SH3KBP1: variants seen among roughly 807,000 people sequenced by gnomAD.
SH3KBP1 encodes the protein SH3 domain containing kinase binding protein 1, also known as SH3 domain-containing kinase-binding protein 1.
In SH3KBP1, 8 loss-of-function variants were observed where a neutral mutation model predicts 50.1. The ratio of observed to expected loss-of-function variants is 0.16; its 90% confidence interval spans 0.09 to 0.29. The LOEUF (loss-of-function observed/expected upper bound fraction) is 0.29, where lower values mean the gene tolerates loss of function less well. SH3KBP1 is among the 10% of genes least tolerant of loss of function. The pLI, the probability that SH3KBP1 is intolerant of heterozygous loss-of-function variation, is 1.00. For synonymous variants in SH3KBP1, 227 were observed against 218.6 expected (o/e 1.04, Z -0.34); for missense variants, 377 against 535.2 (o/e 0.70, Z 2.92).
At chrX:19,750,739 A>G (rs1345595904) in intron 2 of SH3KBP1, among the ~76,000 whole-genome samples, 2 of 111,743 alleles carry the variant, frequency 1.8e-5, no homozygotes, top group Non-Finnish European at 1.9e-5. Flanking sequence ...GATGCTAGCA[A>G]TGATACAACT....
chrX:19,741,288 G>A (rs756554592), intron 3 of SH3KBP1, among the ~76,000 whole-genome samples: 4 of 111,871 alleles, frequency 3.6e-5, no homozygotes, highest in South Asian at 3.7e-4. Flanking sequence ...TGAGACAGAC[G>A]ATCTCACCTC....
chrX:19,873,290 G>GTATATA lies in SH3KBP1; in HGVS notation c.4+14011_4+14016dup, dbSNP rs60336593. Among the ~76,000 whole-genome samples the GTATATA allele has an allele frequency of 3.4e-3, 239 of 71,298 alleles. 1 individual carries two copies. The highest frequency in any genetic ancestry group is 6.4e-3 in the South Asian group (11 of 1,728). The allele number at this position is 71,298 out of a possible 115,157, so 61.9% of individuals were successfully genotyped here. ...AACAAGGACATATATATATATATAT[G>GTATATA]TATATATATATATATATATATACAT... On this transcript the variant is annotated intron_variant, in intron 1 of 17. Coordinates refer to ENST00000397821, the MANE Select transcript of SH3KBP1 (RefSeq NM_031892.3).
chrX:19,862,157 T>G (rs1297158639), intron 1 of SH3KBP1, among the ~76,000 whole-genome samples: 1 of 112,030 alleles, frequency 8.9e-6, no homozygotes, highest in Non-Finnish European at 1.9e-5. Context: ...GAAGCTCCGC[T>G]CTTGTTTGCA....
At chrX:19,817,754 C>T (rs1386717961) in intron 2 of SH3KBP1, among the ~76,000 whole-genome samples, 1 of 111,453 alleles carries the variant, frequency 9.0e-6, no homozygotes, top group African/African-American at 3.3e-5. Flanking sequence ...CGTGCCTCAG[C>T]CTCCTGAGTT....
chrX:19,615,626 A>G (rs1057050391), intron 8 of SH3KBP1, among the ~76,000 whole-genome samples: 1 of 112,060 alleles, frequency 8.9e-6, no homozygotes, highest in African/African-American at 3.2e-5. Context: ...CTGCTTGTTA[A>G]CACCTCCCCA....
chrX:19,771,076 C>T (rs975415366), intron 2 of SH3KBP1, among the ~76,000 whole-genome samples: 2 of 111,675 alleles, frequency 1.8e-5, no homozygotes, highest in African/African-American at 6.5e-5. Flanking sequence ...CCTTCTCCTA[C>T]ATTACTGTGA....
intron 3 of SH3KBP1, among the ~76,000 whole-genome samples, chrX:19,719,064 G>A (rs974056349): frequency 9.0e-6 from 1 of 111,595 alleles, no homozygotes; most frequent in African/African-American, 3.3e-5. Context: ...AGCCGTGGGG[G>A]CCCCTTCTCT....
At chrX:19,659,758 A>T (rs959460914) in intron 6 of SH3KBP1, among the ~76,000 whole-genome samples, 2 of 112,386 alleles carry the variant, frequency 1.8e-5, no homozygotes, top group African/African-American at 6.5e-5. Context: ...AATATCCTAG[A>T]TGTCAACTGT....
chrX:19,550,233 C>T (rs2065201132), intron 13 of SH3KBP1, 150 bp from the exon 14 acceptor site: 1 of 450,505 alleles, frequency 2.2e-6, no homozygotes, highest in Non-Finnish European at 3.8e-6. Context: ...TTTGGTCATT[C>T]AATAAACAGG....
rs377498639 is a variant in SH3KBP1 at position 19,825,172 on chromosome X, A to G, written c.162+10953T>C. ...CAACGTGTGCTTACAAATTAATAAT[A>G]ACGAAATATTTTCCCTAATTGCCTT... On this transcript the variant is annotated intron_variant, in intron 2 of 17. Transcript: ENST00000397821. 1.3e-4 allele frequency among the ~76,000 whole-genome samples: 15 copies of G among 112,149 alleles called. No individual in the cohort carries two copies. The East Asian group carries it at 3.6e-3, about 27-fold the overall frequency.
Position 19,588,996 on chromosome X carries a change from T to G in SH3KBP1, c.1139-194A>C, listed in dbSNP as rs181022037. Among the ~76,000 whole-genome samples, 890 of 111,411 alleles carry G rather than the reference T, an allele frequency of 8.0e-3. 5 individuals carry two copies. The highest frequency in any genetic ancestry group is 0.011 in the Non-Finnish European group (589 of 52,936). On this transcript the variant is annotated intron_variant, in intron 11 of 17. Coordinates refer to ENST00000397821, the MANE Select transcript of SH3KBP1 (RefSeq NM_031892.3). Reference sequence around the variant, plus strand: ...CCACAGAGCTCACTGTTCCCTCCCTTGCACACCTTCACTCATGCTGGTCCT... The same window carrying G: ...CCACAGAGCTCACTGTTCCCTCCCTGGCACACCTTCACTCATGCTGGTCCT...
In SH3KBP1 at chrX:19,603,374, C is replaced by T. The variant is rs199771691; in HGVS notation, c.1005+4564G>A. Among the ~76,000 whole-genome samples the T allele has an allele frequency of 5.3e-5, 6 of 112,482 alleles. No homozygotes were observed. The East Asian group carries it at 8.4e-4, about 16-fold the overall frequency. Reference sequence around the variant, plus strand: ...AATGACCGGGGCAGGCAGACCTCTGCGTTCCAGACTGGCTGACATCTGAGT... The same window carrying T: ...AATGACCGGGGCAGGCAGACCTCTGTGTTCCAGACTGGCTGACATCTGAGT... On this transcript the variant is annotated intron_variant, in intron 9 of 17. Transcript: ENST00000397821.
chrX:19,741,337 T>C (rs1234928229), intron 3 of SH3KBP1, among the ~76,000 whole-genome samples: 2 of 112,098 alleles, frequency 1.8e-5, no homozygotes, highest in African/African-American at 3.2e-5. Context: ...TAACATCTTT[T>C]AAACCGTCAG....
At chrX:19,705,176 A>G (rs1459714131) in intron 4 of SH3KBP1, among the ~76,000 whole-genome samples, 2 of 112,180 alleles carry the variant, frequency 1.8e-5, no homozygotes, top group Non-Finnish European at 3.8e-5. Flanking sequence ...TGTGGTTAAG[A>G]CTTTTTTCTC....
At chrX:19,836,022 A>G in intron 2 of SH3KBP1, 103 bp downstream of exon 2, 1 of 751,648 alleles carries the variant, frequency 1.3e-6, no homozygotes, top group Admixed American at 2.7e-5. Context: ...AGGGCAAGCC[A>G]TTCCCTAAGA....
At chrX:19,789,039 G>A (rs62589438) in intron 2 of SH3KBP1, among the ~76,000 whole-genome samples, 2 of 111,719 alleles carry the variant, frequency 1.8e-5, no homozygotes, top group African/African-American at 6.5e-5. Context: ...CAGGAGAATT[G>A]CTTGAACCTG....
chrX:19,783,465 C>A (rs1332871922), intron 2 of SH3KBP1, among the ~76,000 whole-genome samples: 2 of 111,434 alleles, frequency 1.8e-5, no homozygotes, highest in East Asian at 5.6e-4. Flanking sequence ...TTATAGTCAG[C>A]CTATGATGCC....
At chrX:19,692,676 T>C (rs2063321166) in intron 5 of SH3KBP1, among the ~76,000 whole-genome samples, 1 of 92,731 alleles carries the variant, frequency 1.1e-5, no homozygotes, top group Non-Finnish European at 2.0e-5. Context: ...TGTGTATGTA[T>C]ATATATATAT....
At chrX:19,796,003 A>G (rs975150787) in intron 2 of SH3KBP1, among the ~76,000 whole-genome samples, 3 of 111,779 alleles carry the variant, frequency 2.7e-5, no homozygotes, top group African/African-American at 9.8e-5. Context: ...ACTGCCACCA[A>G]TCGGTGGGCC....
Sources: allele counts gnomAD v4.1 joint callset (sites outside exome capture counted in the v4.1 genomes callset), GRCh38; gene constraint gnomAD v4.1.1; transcripts MANE v1.5; gene names NCBI Gene and HGNC (gene_info 2026-07-23, HGNC 2026-07-21).